The following TAFA2 variants were observed in gnomAD, a reference collection of about 807,000 sequenced individuals.
TAFA2 encodes TAFA chemokine like family member 2, also known as chemokine-like protein TAFA-2.
TAFA2 carries 7 observed loss-of-function variants against 18.8 expected under a neutral mutation model. That is an observed-to-expected ratio of 0.37 (90% CI 0.21 to 0.70). The LOEUF is 0.70. Ranked by LOEUF, TAFA2 falls within the 30% of genes least tolerant of loss-of-function variation. TAFA2 has a pLI of 0.53. For missense variants in TAFA2, 122 were observed against 158.1 expected (o/e 0.77, Z 1.23); for synonymous variants, 60 against 54.2 (o/e 1.11, Z -0.47).
chr12:61,833,809 A>G (rs868628137), intron 2 of TAFA2, among the ~76,000 whole-genome samples: 10 of 152,020 alleles, frequency 6.6e-5, no homozygotes, highest in African/African-American at 2.4e-4. Context: ...CATTCCCTTC[A>G]TTTCATTATG....
chr12:61,930,207 C>G (rs531181591), intron 1 of TAFA2, among the ~76,000 whole-genome samples: 1 of 151,776 alleles, frequency 6.6e-6, no homozygotes, highest in African/African-American at 2.4e-5. Flanking sequence ...AATTGAGAAA[C>G]CTTGAATCTG....
chr12:61,837,395 A>G (rs909121165), intron 2 of TAFA2, among the ~76,000 whole-genome samples: 2 of 152,042 alleles, frequency 1.3e-5, no homozygotes, highest in East Asian at 3.9e-4. Context: ...TAGAGACATC[A>G]TAACTCTTAA....
At chr12:61,776,801 A>G (rs1160323402) in intron 2 of TAFA2, among the ~76,000 whole-genome samples, 1 of 151,892 alleles carries the variant, frequency 6.6e-6, no homozygotes, top group Non-Finnish European at 1.5e-5. Context: ...TGGTATGTAT[A>G]CTATCTAAAC....
chr12:62,100,878 C>T (rs1209770598), intron 1 of TAFA2, among the ~76,000 whole-genome samples: 1 of 152,138 alleles, frequency 6.6e-6, no homozygotes, highest in Non-Finnish European at 1.5e-5. Flanking sequence ...ATTGGATTCC[C>T]ATGGCACAGA....
chr12:61,922,808 A>T (rs1468561835), intron 1 of TAFA2, among the ~76,000 whole-genome samples: 1 of 152,138 alleles, frequency 6.6e-6, no homozygotes, highest in Non-Finnish European at 1.5e-5. Context: ...AGCTCAGCAG[A>T]TCCACCCCCA....
chr12:61,940,829 C>A (rs1237149776), intron 1 of TAFA2, among the ~76,000 whole-genome samples: 1 of 152,080 alleles, frequency 6.6e-6, no homozygotes, highest in Non-Finnish European at 1.5e-5. Context: ...CTGAATGCCA[C>A]TAGAATACTA....
intron 2 of TAFA2, among the ~76,000 whole-genome samples, chr12:61,770,720 C>T (rs1592377648): frequency 6.6e-6 from 1 of 152,174 alleles, no homozygotes; most frequent in Admixed American, 6.5e-5. Context: ...GTCAACATTA[C>T]AAGAACTGCT....
intron 1 of TAFA2, among the ~76,000 whole-genome samples, chr12:61,921,028 G>A (rs1198829574): frequency 6.6e-6 from 1 of 152,264 alleles, no homozygotes; most frequent in East Asian, 1.9e-4. Flanking sequence ...GGCCAGTGTG[G>A]CTGGAGTAGA....
chr12:62,163,277 T>G (rs1274971091), intron 1 of TAFA2, among the ~76,000 whole-genome samples: 1 of 152,160 alleles, frequency 6.6e-6, no homozygotes, highest in African/African-American at 2.4e-5. Context: ...AAAATGAGCC[T>G]CAGTTCTAGA....
At chr12:61,908,906 A>G (rs955853031) in intron 1 of TAFA2, among the ~76,000 whole-genome samples, 7 of 152,174 alleles carry the variant, frequency 4.6e-5, no homozygotes, top group African/African-American at 1.2e-4. Context: ...AACCAAAATG[A>G]TATCAGCTTT....
chr12:61,813,833 A>C (rs2121018021), intron 2 of TAFA2, among the ~76,000 whole-genome samples: 1 of 151,666 alleles, frequency 6.6e-6, no homozygotes, highest in African/African-American at 2.4e-5. Context: ...TGCAGGTAAG[A>C]AATGTACCTA....
At chr12:61,811,989 A>G (rs1215575789) in intron 2 of TAFA2, among the ~76,000 whole-genome samples, 2 of 151,328 alleles carry the variant, frequency 1.3e-5, no homozygotes, top group Non-Finnish European at 2.9e-5. Context: ...GAAAAGCCCT[A>G]TCCTCTTTCC....
chr12:61,986,716 G>C (rs1366092116), intron 1 of TAFA2, among the ~76,000 whole-genome samples: 2 of 151,704 alleles, frequency 1.3e-5, no homozygotes, highest in African/African-American at 4.8e-5. Context: ...CTTCTAACAG[G>C]ATTAATTGCG....
At chr12:62,106,887 C>CT (rs5798632) in intron 1 of TAFA2, among the ~76,000 whole-genome samples, 14,713 of 151,942 alleles carry the variant, frequency 0.097, 905 homozygotes, top group Non-Finnish European at 0.13. Context: ...ATCACCGTAC[C>CT]TTTTTTTTAT....
At chr12:61,710,556 AAC>A (rs1228042922) in intron 4 of TAFA2, 139 bp from the exon 5 acceptor site, 11 of 643,158 alleles carry the variant, frequency 1.7e-5, no homozygotes, top group Non-Finnish European at 2.7e-5. Flanking sequence ...TTAAAGGACT[AAC>A]AGATGCAGGT....
intron 2 of TAFA2, among the ~76,000 whole-genome samples, chr12:61,824,469 T>C (rs1234478039): frequency 1.3e-5 from 2 of 152,158 alleles, no homozygotes; most frequent in East Asian, 1.9e-4. Context: ...ATAGAGTATG[T>C]ATTAGTGCCA....
intron 1 of TAFA2, among the ~76,000 whole-genome samples, chr12:62,003,305 C>T (rs191354265): frequency 6.6e-6 from 1 of 152,260 alleles, no homozygotes; most frequent in Non-Finnish European, 1.5e-5. Flanking sequence ...CCATGAACCG[C>T]ACCCCCTTAT....
chr12:61,974,268 T>C (rs1254405939), intron 1 of TAFA2, among the ~76,000 whole-genome samples: 2 of 151,748 alleles, frequency 1.3e-5, no homozygotes, highest in Admixed American at 6.6e-5. Flanking sequence ...ATATTACTGA[T>C]AGAAAAAGTT....
intron 2 of TAFA2, among the ~76,000 whole-genome samples, chr12:61,779,370 G>A (rs1870407940): frequency 6.6e-6 from 1 of 151,744 alleles, no homozygotes; most frequent in South Asian, 2.1e-4. Flanking sequence ...ACTTAGAGTG[G>A]CAAAGCTAAA....
Sources: gnomAD v4.1 joint callset for allele counts (sites outside exome capture counted in the v4.1 genomes callset) on GRCh38, gnomAD v4.1.1 for gene constraint, MANE v1.5 for transcripts, NCBI Gene and HGNC (gene_info 2026-07-23, HGNC 2026-07-21) for gene names.